TSHZ2: variants seen among roughly 807,000 people sequenced by gnomAD.
TSHZ2 encodes teashirt zinc finger homeobox 2.
In TSHZ2, 21 loss-of-function variants were observed where a neutral mutation model predicts 74.4. The ratio of observed to expected loss-of-function variants is 0.28; its 90% CI spans 0.20 to 0.41. TSHZ2 has a LOEUF of 0.41. TSHZ2 is among the 10% of genes least tolerant of loss of function. TSHZ2 has a pLI of 1.00. For missense variants in TSHZ2, 1,244 were observed against 1,293.5 expected, an observed-to-expected ratio of 0.96 and a Z score of 0.59; for synonymous variants, 540 against 515.3, an observed-to-expected ratio of 1.05 and a Z score of -0.65.
intron 1 of TSHZ2, among the ~76,000 whole-genome samples, chr20:53,248,193 C>A (rs1383549845): frequency 2.0e-5 from 3 of 152,124 alleles, no homozygotes; most frequent in Non-Finnish European, 4.4e-5. Flanking sequence ...ACCACAGCCA[C>A]CCAAGTAGCT....
At chr20:53,133,465 C>T (rs1401965907) in intron 1 of TSHZ2, among the ~76,000 whole-genome samples, 3 of 152,198 alleles carry the variant, frequency 2.0e-5, no homozygotes, top group Non-Finnish European at 4.4e-5. Context: ...AGAGGTAGCA[C>T]ATATGCATGC....
chr20:53,361,517 G>A (rs529478273), intron 2 of TSHZ2, among the ~76,000 whole-genome samples: 1 of 152,216 alleles, frequency 6.6e-6, no homozygotes, highest in South Asian at 2.1e-4. Context: ...TAAATTTTTT[G>A]TTTCAAATTC....
At chr20:53,007,186 A>G (rs1982674734) in intron 1 of TSHZ2, among the ~76,000 whole-genome samples, 1 of 152,172 alleles carries the variant, frequency 6.6e-6, no homozygotes, top group South Asian at 2.1e-4. Context: ...GCAGGAGTTG[A>G]CCAGGCTGAA....
chr20:53,245,553 C>G (rs1030882745), intron 1 of TSHZ2, among the ~76,000 whole-genome samples: 8 of 152,312 alleles, frequency 5.3e-5, no homozygotes, highest in Admixed American at 1.3e-4. Flanking sequence ...AAATATCTCT[C>G]TACTAATTAA....
chr20:53,106,866 T>A (rs555898853), intron 1 of TSHZ2, among the ~76,000 whole-genome samples: 20 of 151,852 alleles, frequency 1.3e-4, no homozygotes, highest in Middle Eastern at 3.4e-3. Context: ...CCCAGCTAAT[T>A]TTTGTATTTT....
At chr20:53,222,834 A>G (rs1216867475) in intron 1 of TSHZ2, among the ~76,000 whole-genome samples, 1 of 152,226 alleles carries the variant, frequency 6.6e-6, no homozygotes, top group Non-Finnish European at 1.5e-5. Context: ...ACTTTTTACT[A>G]TTCAGATTGT....
At chr20:53,029,505 G>T (rs6126729) in intron 1 of TSHZ2, among the ~76,000 whole-genome samples, 1 of 152,080 alleles carries the variant, frequency 6.6e-6, no homozygotes, top group Non-Finnish European at 1.5e-5. Flanking sequence ...GTGAAACCCC[G>T]TCTCAACTAA....
At chr20:52,979,723 C>T (rs1338878356) in intron 1 of TSHZ2, among the ~76,000 whole-genome samples, 1 of 152,128 alleles carries the variant, frequency 6.6e-6, no homozygotes, top group African/African-American at 2.4e-5. Context: ...TCTGGGCACC[C>T]TCAAATATTC....
chr20:53,289,218 A>T (rs1991234266), intron 2 of TSHZ2, among the ~76,000 whole-genome samples: 1 of 152,170 alleles, frequency 6.6e-6, no homozygotes, highest in Non-Finnish European at 1.5e-5. Flanking sequence ...TCTTTGGTTG[A>T]TGGGCATTTA....
chr20:53,188,975 A>T (rs577886650), intron 1 of TSHZ2, among the ~76,000 whole-genome samples: 8 of 152,236 alleles, frequency 5.3e-5, no homozygotes, highest in Non-Finnish European at 1.0e-4. Flanking sequence ...ATGAGGTTGG[A>T]GAGAGCTAAC....
chr20:53,427,932 G>A (rs916495410), intron 2 of TSHZ2, among the ~76,000 whole-genome samples: 1 of 152,182 alleles, frequency 6.6e-6, no homozygotes, highest in Non-Finnish European at 1.5e-5. Flanking sequence ...ACATGGAGGG[G>A]GACATGGGCG....
chr20:53,127,712 A>T (rs1210165962), intron 1 of TSHZ2, among the ~76,000 whole-genome samples: 1 of 152,152 alleles, frequency 6.6e-6, no homozygotes, highest in Non-Finnish European at 1.5e-5. Context: ...CCATTATTTG[A>T]TTTAATCTTT....
At chr20:53,427,699 T>C (rs1983702311) in intron 2 of TSHZ2, among the ~76,000 whole-genome samples, 2 of 152,166 alleles carry the variant, frequency 1.3e-5, no homozygotes, top group Admixed American at 1.3e-4. Flanking sequence ...AATAGCTCTA[T>C]CCACTGCAGT....
At chr20:53,066,766 A>AG (rs1985003607) in intron 1 of TSHZ2, among the ~76,000 whole-genome samples, 1 of 152,182 alleles carries the variant, frequency 6.6e-6, no homozygotes, top group Non-Finnish European at 1.5e-5. Flanking sequence ...TCGGCCTCCC[A>AG]AAGTGTTGGG....
chr20:53,357,079 G>A (rs765333505), intron 2 of TSHZ2, among the ~76,000 whole-genome samples: 5 of 152,058 alleles, frequency 3.3e-5, no homozygotes, highest in Non-Finnish European at 7.3e-5. Context: ...CAGTTCTTCT[G>A]AATTTATACT....
chr20:53,196,366 T>TAAAAAAAAAAAAA (rs34385917), intron 1 of TSHZ2: 14 of 109,680 alleles, frequency 1.3e-4, no homozygotes, highest in African/African-American at 4.3e-4. Flanking sequence ...AATCTGCTGC[T>TAAAAAAAAAAAAA]AAAAAAAAAA....
chr20:53,079,740 C>G (rs1210285376), intron 1 of TSHZ2, among the ~76,000 whole-genome samples: 2 of 152,180 alleles, frequency 1.3e-5, no homozygotes, highest in Non-Finnish European at 2.9e-5. Flanking sequence ...ACACTAGCCA[C>G]TCTATACCCT....
intron 1 of TSHZ2, among the ~76,000 whole-genome samples, chr20:53,234,364 C>T (rs1989892181): frequency 6.6e-6 from 1 of 152,090 alleles, no homozygotes; most frequent in Non-Finnish European, 1.5e-5. Flanking sequence ...GAGAACTTAC[C>T]AAGCACCATG....
intron 2 of TSHZ2, among the ~76,000 whole-genome samples, chr20:53,301,731 C>T (rs977443927): frequency 1.1e-4 from 17 of 152,174 alleles, no homozygotes; most frequent in African/African-American, 3.1e-4. Flanking sequence ...AACTTTAACC[C>T]GCTCATCCCT....
Sources: allele counts gnomAD v4.1 joint callset (sites outside exome capture counted in the v4.1 genomes callset), GRCh38; gene constraint gnomAD v4.1.1; transcripts MANE v1.5; gene names NCBI Gene and HGNC (gene_info 2026-07-23, HGNC 2026-07-21).